PDK1: variants seen among roughly 807,000 people sequenced by gnomAD.
PDK1 encodes pyruvate dehydrogenase kinase 1, also known as [Pyruvate dehydrogenase (acetyl-transferring)] kinase isozyme 1, mitochondrial.
In PDK1, 39 loss-of-function variants were observed where a neutral mutation model predicts 54.2. That is an observed-to-expected ratio of 0.72 (90% CI 0.56 to 0.94). The LOEUF (loss-of-function observed/expected upper bound fraction) is 0.94, where lower values mean the gene tolerates loss of function less well. PDK1 is among the 40% of genes least tolerant of loss of function. The pLI, the probability that PDK1 is intolerant of heterozygous loss-of-function variation, is 0.00. For synonymous variants in PDK1, 221 were observed against 207.1 expected (o/e 1.07, Z -0.58); for missense variants, 552 against 566.0 (o/e 0.98, Z 0.25).
intron 9 of PDK1, among the ~76,000 whole-genome samples, 185 bp from the exon 10 acceptor site, chr2:172,592,750 T>TA (rs758732827): frequency 1.3e-5 from 2 of 152,206 alleles, no homozygotes; most frequent in Non-Finnish European, 2.9e-5. Context: ...AGTCAGCTGA[T>TA]ACAGTACTCA....
Position 172,597,271 on chromosome 2 carries a change from T to C in PDK1, c.*1302T>C, listed in dbSNP as rs1690945956. ...ACAGTTGTGCACTACCACACCCAGC[T>C]AATTTTTTGATTTCTTGTGGAGATG... On this transcript the variant is annotated 3_prime_UTR_variant, in exon 11 of 11. Transcript: ENST00000282077. The C allele has an allele frequency of 6.6e-6, 1 of 152,122 alleles. No homozygotes were observed. 9.4% of individuals were successfully genotyped at this position (152,122 alleles called of 1,614,324 possible).
the PDK1 span, among the ~76,000 whole-genome samples, chr2:172,619,452 A>G: frequency 6.6e-6 from 1 of 151,238 alleles, no homozygotes; most frequent in Admixed American, 6.6e-5. Flanking sequence ...ATTTTCCCCC[A>G]TTAAATTTTT....
downstream of PDK1, among the ~76,000 whole-genome samples, chr2:172,610,693 C>G (rs543199466): frequency 1.1e-3 from 174 of 152,290 alleles, 1 homozygote; most frequent in Non-Finnish European, 3.4e-4. Context: ...TCACTGCAAC[C>G]TCTGCCTCCC....
At position 172,604,618 on chromosome 2, in the gene PDK1, T is replaced by C. The variant is rs1417062181; in HGVS notation, c.*8649T>C. On this transcript the variant is annotated 3_prime_UTR_variant, in exon 11 of 11. Coordinates refer to ENST00000282077, the MANE Select transcript of PDK1 (RefSeq NM_002610.5). ...GACTAGAGATAGCTAAGTAACATAG[T>C]TCCACCTTATTCACTTGGTCTTTGA... The C allele has an allele frequency of 6.6e-6, 1 of 152,200 alleles. No homozygotes were observed. The highest frequency in any genetic ancestry group is 2.4e-5 in the African/African-American group (1 of 41,460). The allele number at this position is 152,200 out of a possible 1,614,324, so 9.4% of individuals were successfully genotyped here.
chr2:172,670,389 ATACTT>A, the PDK1 span, among the ~76,000 whole-genome samples: 3 of 152,218 alleles, frequency 2.0e-5, no homozygotes, highest in African/African-American at 7.2e-5. Context: ...CTAACATACT[ATACTT>A]GAACTTTCAG....
the PDK1 span, among the ~76,000 whole-genome samples, chr2:172,660,866 C>T: frequency 2.0e-5 from 3 of 152,100 alleles, no homozygotes; most frequent in African/African-American, 7.2e-5. Context: ...CTAAATAAGC[C>T]CAAGCCAGAG....
At chr2:172,650,133 G>T in the PDK1 span, among the ~76,000 whole-genome samples, 3 of 152,158 alleles carry the variant, frequency 2.0e-5, no homozygotes, top group African/African-American at 7.2e-5. Flanking sequence ...GACTAACAGC[G>T]GATCTCTCTG....
rs1012416667 is a variant in PDK1 at position 172,605,308 on chromosome 2, C to G, written c.*9339C>G. On this transcript the variant is annotated 3_prime_UTR_variant, in exon 11 of 11. Coordinates refer to ENST00000282077, the MANE Select transcript of PDK1 (RefSeq NM_002610.5). ...GGGACACATAGGCGTTCAAGAGCCT[C>G]TGAGCTTAAAGATATGTGAGTGGAG... 3.3e-5 allele frequency: 5 copies of G among 150,506 alleles called. No homozygotes were observed. The highest frequency in any genetic ancestry group is 7.4e-5 in the Non-Finnish European group (5 of 67,902). 9.3% of individuals were successfully genotyped at this position (150,506 alleles called of 1,614,324 possible).
At chr2:172,694,165 C>A in the PDK1 span, among the ~76,000 whole-genome samples, 1 of 152,178 alleles carries the variant, frequency 6.6e-6, no homozygotes, top group African/African-American at 2.4e-5. Flanking sequence ...AATTCCCAGT[C>A]TCCAGAGTAA....
the PDK1 span, among the ~76,000 whole-genome samples, chr2:172,699,587 C>T: frequency 1.3e-5 from 2 of 151,204 alleles, no homozygotes; most frequent in Non-Finnish European, 2.9e-5. Context: ...TAATTGCGAC[C>T]GATTTTCAGA....
chr2:172,570,850 CT>C (rs529091195), intron 8 of PDK1, 26 bp downstream of exon 8: 149,634 of 915,566 alleles, frequency 0.16, 5 homozygotes, highest in South Asian at 0.21. Flanking sequence ...GGTTTGTTTT[CT>C]TTTTTTTTTT....
At chr2:172,689,514 G>A in the PDK1 span, among the ~76,000 whole-genome samples, 1 of 152,060 alleles carries the variant, frequency 6.6e-6, no homozygotes, top group Non-Finnish European at 1.5e-5. Flanking sequence ...AAGTTCATAT[G>A]GAAACAAAAA....
chr2:172,674,464 T>G, the PDK1 span: 1 of 152,984 alleles, frequency 6.5e-6, no homozygotes, highest in Admixed American at 6.5e-5. Context: ...GATTTTCTGG[T>G]CCACGACTAT....
At chr2:172,646,985 C>T in the PDK1 span, among the ~76,000 whole-genome samples, 4 of 152,146 alleles carry the variant, frequency 2.6e-5, no homozygotes, top group South Asian at 2.1e-4. Context: ...GATCCACCCG[C>T]CTTGACCTCC....
At chr2:172,584,769 C>T (rs894971006) in intron 8 of PDK1, among the ~76,000 whole-genome samples, 2 of 150,378 alleles carry the variant, frequency 1.3e-5, no homozygotes, top group Admixed American at 1.3e-4. Context: ...ATCCTCCTGC[C>T]TCAGCCTCCC....
chr2:172,564,621 G>T lies in PDK1; in HGVS notation c.529G>T (p.Val177Phe). 6.2e-7 allele frequency: 1 copy of T among 1,614,180 alleles called. No homozygotes were observed. Among genetic ancestry groups the T allele is most frequent in the Non-Finnish European group, 8.5e-7 (1 of 1,180,016 alleles). The change falls in exon 4 of 11, where the codon GTT becomes TTT. Residue 177 changes from valine to phenylalanine, a missense_variant. Coordinates refer to ENST00000282077, the MANE Select transcript of PDK1 (RefSeq NM_002610.5). ...FGVDPVTSQN[V>F]QYFLDRFYMS... is the part of the protein sequence containing the mutation. ...GGTGGATCCTGTCACCAGCCAGAATGTTCAGTACTTTTTGGATCGATTCTA... is the reference window on the plus strand; with the variant it reads ...GGTGGATCCTGTCACCAGCCAGAATTTTCAGTACTTTTTGGATCGATTCTA...
the PDK1 span, among the ~76,000 whole-genome samples, chr2:172,641,344 C>T: frequency 6.6e-6 from 1 of 151,912 alleles, no homozygotes; most frequent in East Asian, 1.9e-4. Flanking sequence ...GTTGCCCAGG[C>T]TTAATCCCAA....
At chr2:172,676,105 CT>C in the PDK1 span, among the ~76,000 whole-genome samples, 1 of 152,090 alleles carries the variant, frequency 6.6e-6, no homozygotes, top group Non-Finnish European at 1.5e-5. Flanking sequence ...AAAAATAGTT[CT>C]TTCAAAATAT....
chr2:172,615,284 T>C, the PDK1 span, among the ~76,000 whole-genome samples: 6 of 152,316 alleles, frequency 3.9e-5, no homozygotes, highest in East Asian at 1.2e-3. Flanking sequence ...GTTTGAGTTG[T>C]TCAGTCACTA....
Sources: gnomAD v4.1 joint callset for allele counts (sites outside exome capture counted in the v4.1 genomes callset) on GRCh38, gnomAD v4.1.1 for gene constraint, MANE v1.5 for transcripts, NCBI Gene and HGNC (gene_info 2026-07-23, HGNC 2026-07-21) for gene names.